Variants in HARS1 observed in about 807,000 individuals in gnomAD.
HARS1 encodes histidyl-tRNA synthetase 1.
In HARS1, 45 loss-of-function variants were observed where a neutral mutation model predicts 63.6. The ratio of observed to expected loss-of-function variants is 0.71; its 90% CI spans 0.56 to 0.91. HARS1 has a LOEUF of 0.91. Ranked by LOEUF, HARS1 falls within the 40% of genes least tolerant of loss-of-function variation. HARS1 has a pLI of 0.00. For synonymous variants in HARS1, 205 were observed against 247.1 expected, an observed-to-expected ratio of 0.83 and a Z score of 1.60; for missense variants, 508 against 643.2, an observed-to-expected ratio of 0.79 and a Z score of 2.27.
chr5:140,687,296 G>T (rs115091892), intron 2 of HARS1: 1,637 of 152,312 alleles, frequency 0.011, 14 homozygotes, highest in Non-Finnish European at 0.018. Context: ...AAGGTGGGCA[G>T]ATTGCCTGAG....
rs756096397 is a variant in HARS1, at chr5:140,683,094, C to T, written c.300+6G>A. The T allele has an allele frequency of 6.2e-7, 1 of 1,612,280 alleles. No homozygotes were observed. Among genetic ancestry groups the T allele is most frequent in the Admixed American group, 1.7e-5 (1 of 59,852 alleles). Reference sequence around the variant, plus strand: ...ACCATGTAGTTTCTTCTTGCCCATTCCTCACCTTTAGTTCAAATACAGGTG... The same window carrying T: ...ACCATGTAGTTTCTTCTTGCCCATTTCTCACCTTTAGTTCAAATACAGGTG... On this transcript the variant is annotated splice_donor_region_variant and intron_variant, in intron 3 of 12. Coordinates refer to ENST00000504156, the MANE Select transcript of HARS1 (RefSeq NM_002109.6).
intron 11 of HARS1, 55 bp from the exon 12 acceptor site, chr5:140,674,880 G>A: frequency 1.2e-6 from 2 of 1,600,390 alleles, no homozygotes; most frequent in Non-Finnish European, 1.7e-6. Context: ...CTCAGGGACA[G>A]AGGGTGTCCA....
At chr5:140,678,212 G>A (rs902783609) in intron 5 of HARS1, 197 bp from the exon 6 acceptor site, 44 of 586,544 alleles carry the variant, frequency 7.5e-5, no homozygotes, top group Admixed American at 3.4e-4. Flanking sequence ...CATCTACTGG[G>A]CTATTCCTTC....
Position 140,679,853 on chromosome 5 carries a change from A to C in HARS1, c.331T>G (p.Ser111Ala), listed in dbSNP as rs1305380207. Residue 111 changes from serine (S) to alanine (A), a missense_variant, in exon 4 of 13, where the codon TCC becomes GCC. Ser to Ala is a moderately conservative substitution (Grantham distance 99, BLOSUM62 1). Coordinates refer to ENST00000504156, the MANE Select transcript of HARS1 (RefSeq NM_002109.6). The surrounding 1 kb of genome is among the most constrained non-coding windows in gnomAD (Gnocchi z 4.3). ...ETLMGKYGEDSKLIYDLKDQG... is the reference protein window; with the variant it reads ...ETLMGKYGEDAKLIYDLKDQG... ...TCCTTCAGGTCATAGATAAGCTTGG[A>C]GTCTTCCCCATACTTTCCCATCAGT... 1 of 1,606,618 alleles carries C rather than the reference A, an allele frequency of 6.2e-7. No individual in the cohort carries two copies. Among genetic ancestry groups the C allele is most frequent in the Admixed American group, 1.7e-5 (1 of 59,996 alleles).
At chr5:140,686,070 C>T (rs963329351) in intron 2 of HARS1, among the ~76,000 whole-genome samples, 2 of 149,890 alleles carry the variant, frequency 1.3e-5, no homozygotes, top group Admixed American at 6.7e-5. Flanking sequence ...ACTGGGACTA[C>T]ATACAGGCGC....
chr5:140,677,610 G>T, intron 7 of HARS1, 45 bp downstream of exon 7: 1 of 1,309,302 alleles, frequency 7.6e-7, no homozygotes, highest in Non-Finnish European at 1.1e-6. Context: ...ATTTCCCAAG[G>T]CAGGGTGGGA....
Position 140,677,652 on chromosome 5 carries a change from T to C in HARS1, c.729+3A>G, listed in dbSNP as rs938453967. On this transcript the variant is annotated splice_donor_region_variant and intron_variant, in intron 7 of 12. Coordinates refer to ENST00000504156, the MANE Select transcript of HARS1 (RefSeq NM_002109.6). ...AAAAGAAGTCAAGTACTTGGGTTGT[T>C]ACCTTGTCCAGCTTGTCTACTGAGG... 1.9e-6 allele frequency: 3 copies of C among 1,595,836 alleles called. No homozygotes were observed. The highest frequency in any genetic ancestry group is 2.6e-6 in the Non-Finnish European group (3 of 1,164,122).
intron 2 of HARS1, among the ~76,000 whole-genome samples, chr5:140,688,571 TCCCCAGTTG>T (rs1158312837): frequency 6.6e-6 from 1 of 152,210 alleles, no homozygotes; most frequent in Non-Finnish European, 1.5e-5. Flanking sequence ...TGGTCAGTTT[TCCCCAGTTG>T]CCTCAATAAT....
rs1015598645 is a variant in HARS1 at position 140,677,523 on chromosome 5, G to T, written c.730-103C>A. The stretch of plus-strand genomic sequence containing the variant: ...CCGTTTTAGAGCAGTAGCTGCCCAT[G>T]AGCCTACATCCTGGGGCTAACCTTC... On this transcript the variant is annotated intron_variant, in intron 7 of 12. Transcript: ENST00000504156. 2.6e-5 allele frequency: 28 copies of T among 1,078,864 alleles called. No individual in the cohort carries two copies. In the African/African-American group the frequency reaches 3.9e-4, roughly 15 times the overall value. The allele number at this position is 1,078,864 out of a possible 1,614,324, so 66.8% of individuals were successfully genotyped here. A position where few individuals can be genotyped will look rare whatever the true frequency, so the allele number is the denominator to read the frequency against.
chr5:140,677,618 G>C, intron 7 of HARS1, 37 bp downstream of exon 7: 1 of 1,364,710 alleles, frequency 7.3e-7, no homozygotes, highest in Non-Finnish European at 1.0e-6. Context: ...AGGCAGGGTG[G>C]GATCTGGGAA....
chr5:140,675,569 T>A (rs958215742), intron 10 of HARS1: 10 of 129,542 alleles, frequency 7.7e-5, no homozygotes, highest in East Asian at 2.0e-4. Flanking sequence ...AAAAAAAAAA[T>A]TTTTTTTTTT....
intron 1 of HARS1, 42 bp downstream of exon 1, chr5:140,691,173 C>T: frequency 7.0e-7 from 1 of 1,435,272 alleles, no homozygotes; most frequent in Non-Finnish European, 9.6e-7. Context: ...TACGTCCTCC[C>T]AGGCTTTGCC....
At position 140,676,395 on chromosome 5, in the gene HARS1, T is replaced by C; in HGVS notation, c.1194+259A>G. 1 of 482,598 alleles carries C rather than the reference T, an allele frequency of 2.1e-6. No individual in the cohort carries two copies. Among genetic ancestry groups the C allele is most frequent in the Non-Finnish European group, 3.7e-6 (1 of 269,372 alleles). The allele number at this position is 482,598 out of a possible 1,614,324, so 29.9% of individuals were successfully genotyped here. On this transcript the variant is annotated intron_variant, in intron 10 of 12. Coordinates refer to ENST00000504156, the MANE Select transcript of HARS1 (RefSeq NM_002109.6). This position sits in a 1 kb window ranked among gnomAD's most constrained non-coding sequence, Gnocchi z 4.1. ...TCATGAGGAAGATCTAAGTCTTGGA[T>C]ACACCAGCCCAGGTTTGTGACAGCC... is the stretch of plus-strand genomic sequence containing the variant.
rs772505507 is a variant in HARS1, at chr5:140,674,833, G to A, written c.1312-8C>T. On this transcript the variant is annotated splice_polypyrimidine_tract_variant and splice_region_variant and intron_variant, in intron 11 of 12. Transcript: ENST00000504156. ...CTTGTACAGCAGCTCAGCCTGCAGG[G>A]GACAAGAGCAGAAGATGAAGGCTGG... The A allele has an allele frequency of 4.5e-5, 73 of 1,613,934 alleles. No individual in the cohort carries two copies. Among genetic ancestry groups the A allele is most frequent in the Admixed American group, 1.0e-4 (6 of 59,996 alleles).
intron 2 of HARS1, among the ~76,000 whole-genome samples, chr5:140,689,810 G>A (rs1759267184): frequency 6.6e-6 from 1 of 152,162 alleles, no homozygotes; most frequent in African/African-American, 2.4e-5. Context: ...CTAGATGAAG[G>A]GGTAAACAGT....
At chr5:140,685,517 C>G (rs992364260) in intron 2 of HARS1, among the ~76,000 whole-genome samples, 1 of 151,146 alleles carries the variant, frequency 6.6e-6, no homozygotes, top group African/African-American at 2.4e-5. Context: ...GTCAAGAGAT[C>G]GAGACTATCC....
In HARS1 at chr5:140,677,660, C is replaced by A; in HGVS notation, c.724G>T (p.Asp242Tyr). ...RTICSSVDKL[D>Y]KVSWEEVKNE... ...TCAAGTACTTGGGTTGTTACCTTGTCCAGCTTGTCTACTGAGGAGCAGATG... is the reference window on the plus strand; with the variant it reads ...TCAAGTACTTGGGTTGTTACCTTGTACAGCTTGTCTACTGAGGAGCAGATG... Residue 242 changes from aspartate to tyrosine, a missense_variant, in exon 7 of 13, where the codon GAC becomes TAC. Transcript: ENST00000504156. 6.2e-7 allele frequency: 1 copy of A among 1,602,898 alleles called. No homozygotes were observed. Among genetic ancestry groups the A allele is most frequent in the Non-Finnish European group, 8.5e-7 (1 of 1,170,530 alleles).
chr5:140,690,614 G>A (rs1231013461), intron 2 of HARS1, among the ~76,000 whole-genome samples: 1 of 152,120 alleles, frequency 6.6e-6, no homozygotes, highest in Non-Finnish European at 1.5e-5. Flanking sequence ...TTGAATGAAC[G>A]AAGGAGTAGC....
In HARS1 at chr5:140,674,839, G is replaced by C. The variant is rs747726390; in HGVS notation, c.1312-14C>G. The stretch of plus-strand genomic sequence containing the variant: ...CAGCAGCTCAGCCTGCAGGGGACAA[G>C]AGCAGAAGATGAAGGCTGGCTTCTG... On this transcript the variant is annotated splice_polypyrimidine_tract_variant and intron_variant, in intron 11 of 12. Coordinates refer to ENST00000504156, the MANE Select transcript of HARS1 (RefSeq NM_002109.6). 2 of 1,613,914 alleles carry C rather than the reference G, an allele frequency of 1.2e-6. No homozygotes were observed.
Sources: allele counts gnomAD v4.1 joint callset (sites outside exome capture counted in the v4.1 genomes callset), GRCh38; gene constraint gnomAD v4.1.1; non-coding constraint Gnocchi (gnomAD v3.1); transcripts MANE v1.5; gene names NCBI Gene and HGNC (gene_info 2026-07-23, HGNC 2026-07-21).